Variants in SDK1 observed in about 807,000 individuals in gnomAD.
SDK1 encodes protein sidekick-1.
Under a neutral mutation model 245.5 loss-of-function variants are expected in SDK1, and 157 were observed. That is an observed-to-expected ratio of 0.64 (90% confidence interval 0.56 to 0.73). The LOEUF (loss-of-function observed/expected upper bound fraction) is 0.73. SDK1 is among the 30% of genes least tolerant of loss of function. SDK1 has a pLI of 0.00. For synonymous variants in SDK1, 1,647 were observed against 1,278.5 expected (o/e 1.29, Z -6.15); for missense variants, 3,583 against 3,002.3 (o/e 1.19, Z -4.52).
chr7:3,391,167 A>G (rs899684855), intron 1 of SDK1, among the ~76,000 whole-genome samples: 1 of 152,186 alleles, frequency 6.6e-6, no homozygotes, highest in Admixed American at 6.5e-5. Flanking sequence ...ACTAGAAGGA[A>G]GGTTACATAA....
At chr7:3,328,127 T>C (rs1438748202) in intron 1 of SDK1, among the ~76,000 whole-genome samples, 4 of 152,144 alleles carry the variant, frequency 2.6e-5, no homozygotes, top group Admixed American at 2.6e-4. Flanking sequence ...CCGAAGATAA[T>C]TGGGAAGAAT....
chr7:3,593,274 C>T (rs1362366289), intron 1 of SDK1, among the ~76,000 whole-genome samples: 1 of 152,100 alleles, frequency 6.6e-6, no homozygotes, highest in African/African-American at 2.4e-5. Context: ...AGAAGCACTG[C>T]CCCTGTGCTT....
At chr7:3,302,627 C>G (rs532328978) in intron 1 of SDK1, among the ~76,000 whole-genome samples, 1 of 151,016 alleles carries the variant, frequency 6.6e-6, no homozygotes, top group Admixed American at 6.6e-5. Flanking sequence ...CTCCCCGCCC[C>G]CGACAAAACC....
Position 4,268,373 on chromosome 7 carries a change from G to C in SDK1, c.*2989G>C, listed in dbSNP as rs771858133. On this transcript the variant is annotated 3_prime_UTR_variant, in exon 45 of 45. Coordinates refer to ENST00000404826, the MANE Select transcript of SDK1 (RefSeq NM_152744.4). ...GCCACACCCCCTCGGCCTCCTGCAC[G>C]GCCACCTTCTGGGTGAATCGGTCCA... 9.5e-7 allele frequency: 1 copy of C among 1,054,626 alleles called. No homozygotes were observed. Among genetic ancestry groups the C allele is most frequent in the Non-Finnish European group, 1.2e-6 (1 of 868,918 alleles). The allele number at this position is 1,054,626 out of a possible 1,614,324, so 65.3% of individuals were successfully genotyped here.
chr7:3,580,996 C>CAAAAA (rs1418335916), intron 1 of SDK1, among the ~76,000 whole-genome samples: 3,155 of 92,752 alleles, frequency 0.034, 585 homozygotes, highest in East Asian at 0.08. Flanking sequence ...AAAAAAAAAC[C>CAAAAA]AAAACAAAAC....
chr7:4,189,711 AC>A (rs1418122361), intron 35 of SDK1, among the ~76,000 whole-genome samples: 1 of 152,192 alleles, frequency 6.6e-6, no homozygotes, highest in East Asian at 1.9e-4. Context: ...TATCGCTTGA[AC>A]CCAGGAAGCA....
rs1401016208 is a variant in SDK1 at position 3,723,941 on chromosome 7, TATAGAGAGAGAG to T, written c.713+81838_713+81849del. 3.8e-4 allele frequency among the ~76,000 whole-genome samples: 42 copies of T among 111,356 alleles called. 2 individuals are homozygous for T. Among genetic ancestry groups the T allele is most frequent in the South Asian group, 1.5e-3 (5 of 3,252 alleles). The allele number at this position is 111,356 out of a possible 152,430, so 73.1% of individuals were successfully genotyped here. A position where few individuals can be genotyped will look rare whatever the true frequency, so the allele number is the denominator to read the frequency against. ...ATATACACGTATATATATATATATA[TATAGAGAGAGAG>T]AGAGAGAGAGAGAGAGAGAGAGAGA... On this transcript the variant is annotated intron_variant, in intron 4 of 44. Transcript: ENST00000404826.
At chr7:3,539,718 A>T (rs1778998652) in intron 1 of SDK1, among the ~76,000 whole-genome samples, 1 of 152,248 alleles carries the variant, frequency 6.6e-6, no homozygotes, top group Admixed American at 6.5e-5. Flanking sequence ...AGTCATCCAC[A>T]TCAGGGTGAG....
At chr7:3,513,648 A>G (rs145718752) in intron 1 of SDK1, among the ~76,000 whole-genome samples, 80 of 152,256 alleles carry the variant, frequency 5.3e-4, no homozygotes, top group African/African-American at 1.8e-3. Context: ...TTCAACTTTT[A>G]TTTTAGATTA....
intron 1 of SDK1, among the ~76,000 whole-genome samples, chr7:3,591,619 G>T (rs1182664018): frequency 6.6e-6 from 1 of 152,202 alleles, no homozygotes; most frequent in Non-Finnish European, 1.5e-5. Context: ...TTTATATCTT[G>T]GTAGATTTGC....
At chr7:3,936,221 AG>A (rs1448326390) in intron 5 of SDK1, among the ~76,000 whole-genome samples, 1 of 152,100 alleles carries the variant, frequency 6.6e-6, no homozygotes. Context: ...GGTGGGTGCC[AG>A]GGGCTGGGGA....
chr7:4,115,351 T>C (rs1216294603), intron 25 of SDK1, among the ~76,000 whole-genome samples: 7 of 152,242 alleles, frequency 4.6e-5, no homozygotes, highest in Middle Eastern at 6.8e-3. Context: ...TGTCCAGACA[T>C]GGGATGAGGA....
intron 28 of SDK1, among the ~76,000 whole-genome samples, chr7:4,143,871 T>C (rs1779763541): frequency 6.6e-6 from 1 of 152,152 alleles, no homozygotes; most frequent in Non-Finnish European, 1.5e-5. Flanking sequence ...CTGACAGGCC[T>C]GCGGCGAGGG....
chr7:4,189,897 G>T (rs1422396319), intron 35 of SDK1, among the ~76,000 whole-genome samples: 1 of 152,084 alleles, frequency 6.6e-6, no homozygotes, highest in African/African-American at 2.4e-5. Flanking sequence ...ATATCTGTTT[G>T]CTGTTTTTAA....
chr7:3,957,488 G>T (rs951537510), intron 7 of SDK1, among the ~76,000 whole-genome samples: 4 of 152,142 alleles, frequency 2.6e-5, no homozygotes, highest in African/African-American at 9.7e-5. Context: ...AAAAGAAAAC[G>T]CTCAACTAAG....
At chr7:4,237,306 C>G (rs960544925) in intron 41 of SDK1, among the ~76,000 whole-genome samples, 1 of 151,862 alleles carries the variant, frequency 6.6e-6, no homozygotes, top group Non-Finnish European at 1.5e-5. Context: ...AGAAAGCAAG[C>G]AGGAAGGGCG....
At chr7:3,311,896 C>G (rs1307338144) in intron 1 of SDK1, among the ~76,000 whole-genome samples, 1 of 152,200 alleles carries the variant, frequency 6.6e-6, no homozygotes, top group Non-Finnish European at 1.5e-5. Flanking sequence ...GATCTGAATA[C>G]ACGCCCCAAT....
intron 4 of SDK1, among the ~76,000 whole-genome samples, chr7:3,699,163 A>G (rs1784669027): frequency 6.6e-6 from 1 of 152,328 alleles, no homozygotes; most frequent in South Asian, 2.1e-4. Flanking sequence ...ATAGAAGGCT[A>G]AAGTAACATA....
intron 28 of SDK1, among the ~76,000 whole-genome samples, chr7:4,134,410 G>A (rs1327730516): frequency 1.3e-5 from 2 of 152,202 alleles, no homozygotes; most frequent in African/African-American, 2.4e-5. Context: ...CAGTCTTGGG[G>A]TAGGAAATGG....
Sources: gnomAD v4.1 joint callset for allele counts (sites outside exome capture counted in the v4.1 genomes callset) on GRCh38, gnomAD v4.1.1 for gene constraint, MANE v1.5 for transcripts, NCBI Gene and HGNC (gene_info 2026-07-23, HGNC 2026-07-21) for gene names.